SLCO4A1: variants seen among roughly 807,000 people sequenced by gnomAD.
SLCO4A1 encodes solute carrier organic anion transporter family member 4A1.
A neutral mutation model predicts 64.6 loss-of-function variants in SLCO4A1; 51 were observed. The ratio of observed to expected loss-of-function variants is 0.79; its 90% CI spans 0.63 to 1.00. The LOEUF is 1.00. Ranked by LOEUF, SLCO4A1 falls within the 50% of genes least tolerant of loss-of-function variation. SLCO4A1 has a pLI of 0.00. For synonymous variants in SLCO4A1, 471 were observed against 444.9 expected (o/e 1.06, Z -0.74); for missense variants, 919 against 980.5 (o/e 0.94, Z 0.84).
chr20:62,674,369 T>C (rs1266054762), downstream of SLCO4A1, among the ~76,000 whole-genome samples: 4 of 152,114 alleles, frequency 2.6e-5, no homozygotes, highest in South Asian at 8.3e-4. Context: ...GGGGAGCTCA[T>C]CCGGGAAGGC....
chr20:62,686,191 C>T (rs760158133), downstream of SLCO4A1, among the ~76,000 whole-genome samples: 11 of 152,290 alleles, frequency 7.2e-5, no homozygotes, highest in East Asian at 1.9e-4. Flanking sequence ...GTGTAGCTCC[C>T]GCCCCAGTGC....
At position 62,685,563 on chromosome 20, in the gene SLCO4A1, C is replaced by T. The variant is rs1362924195; in HGVS notation, n.334C>T. ...AGTCTCGGCTTTCTGACAACGTCTT[C>T]CAGAGCAGGCTTTCTCTAGAGGGTG... is the stretch of plus-strand genomic sequence containing the variant. On this transcript the variant is annotated non_coding_transcript_exon_variant, in exon 3 of 3. Coordinates refer to the SLCO4A1 transcript ENST00000466818. The surrounding 1 kb of genome is among the most constrained non-coding windows in gnomAD (Gnocchi z 4.6). 25 of 510,118 alleles carry T rather than the reference C, an allele frequency of 4.9e-5. No individual in the cohort carries two copies. Among genetic ancestry groups the T allele is most frequent in the Non-Finnish European group, 6.3e-5 (25 of 395,762 alleles). 31.6% of individuals were successfully genotyped at this position (510,118 alleles called of 1,614,324 possible).
chr20:62,667,366 G>A (rs893680921), intron 7 of SLCO4A1: 7 of 215,886 alleles, frequency 3.2e-5, no homozygotes, highest in East Asian at 1.0e-4. Flanking sequence ...CTGGAGAACC[G>A]AGGACTGGGG....
At chr20:62,652,986 G>A (rs1289560307) in intron 1 of SLCO4A1, among the ~76,000 whole-genome samples, 3 of 152,330 alleles carry the variant, frequency 2.0e-5, no homozygotes, top group South Asian at 2.1e-4. Flanking sequence ...TGCCACCGGC[G>A]GGCTGTGTGG....
At chr20:62,666,203 C>A (rs561771379) in intron 6 of SLCO4A1, among the ~76,000 whole-genome samples, 177 bp from the exon 7 acceptor site, 85 of 148,276 alleles carry the variant, frequency 5.7e-4, no homozygotes, top group Non-Finnish European at 5.1e-4. Context: ...CCTCCTAGGG[C>A]TCTATCAGCG....
In SLCO4A1 at chr20:62,661,288, C is replaced by T. The variant is rs1325397426; in HGVS notation, c.1121+113C>T. The T allele has an allele frequency of 1.3e-6, 1 of 745,636 alleles. No homozygotes were observed. The highest frequency in any genetic ancestry group is 2.6e-5 in the East Asian group (1 of 38,050). 46.2% of individuals were successfully genotyped at this position (745,636 alleles called of 1,614,324 possible). On this transcript the variant is annotated intron_variant, in intron 5 of 11. Coordinates refer to ENST00000217159, the MANE Select transcript of SLCO4A1 (RefSeq NM_016354.4). The surrounding 1 kb of genome is among the most constrained non-coding windows in gnomAD (Gnocchi z 5.2). ...TCATGATGGGGACGCAGCCCCTAAC[C>T]TCTGTCGTGACCCTGGGCCAAGAGA...
At position 62,660,927 on chromosome 20, in the gene SLCO4A1, C is replaced by T. The variant is rs6011475; in HGVS notation, c.1010-137C>T. ...TTCCAGTGCCGCCTCCCCGGGGCTG[C>T]GAGGGCTGCAGGGATGTCAGACAGT... On this transcript the variant is annotated intron_variant, in intron 4 of 11. Transcript: ENST00000217159. The T allele has an allele frequency of 4.1e-3, 2,644 of 642,640 alleles. 43 individuals are homozygous for T. The highest frequency in any genetic ancestry group is 0.041 in the African/African-American group (2,222 of 54,808). 39.8% of individuals were successfully genotyped at this position (642,640 alleles called of 1,614,324 possible).
At chr20:62,643,017 C>T (rs1165629455) in intron 1 of SLCO4A1, 1 of 470,208 alleles carries the variant, frequency 2.1e-6, no homozygotes, top group Non-Finnish European at 4.4e-6. Flanking sequence ...CACCCACCTG[C>T]GGCGGCCGCT....
intron 1 of SLCO4A1, among the ~76,000 whole-genome samples, chr20:62,655,058 AG>A (rs1011117756): frequency 5.9e-5 from 9 of 152,332 alleles, no homozygotes; most frequent in Admixed American, 4.6e-4. Context: ...TAAAGGCCTG[AG>A]TTTCAAAAAC....
At chr20:62,668,305 G>A in intron 9 of SLCO4A1, 121 bp downstream of exon 9, 1 of 1,299,094 alleles carries the variant, frequency 7.7e-7, no homozygotes, top group Non-Finnish European at 1.1e-6. Context: ...GGGCCTGTCT[G>A]TCACTGGTGG....
chr20:62,682,938 C>A (rs534272709), intron 2 of SLCO4A1, among the ~76,000 whole-genome samples: 2 of 152,238 alleles, frequency 1.3e-5, no homozygotes, highest in Non-Finnish European at 2.9e-5. Context: ...CAGTCCAGGG[C>A]CACACAGTGG....
intron 2 of SLCO4A1, among the ~76,000 whole-genome samples, chr20:62,679,365 C>CT (rs11484310): frequency 0.4 from 59,518 of 147,456 alleles, 12,004 homozygotes; most frequent in African/African-American, 0.45. Context: ...CATCAAATTC[C>CT]TTTTTTTTTT....
intron 2 of SLCO4A1, among the ~76,000 whole-genome samples, chr20:62,677,434 A>G (rs1368119876): frequency 4.6e-5 from 7 of 152,170 alleles, no homozygotes; most frequent in African/African-American, 1.4e-4. Flanking sequence ...TGTCTGTTCC[A>G]TAACTGCAAC....
chr20:62,686,320 C>T (rs142166294), downstream of SLCO4A1, among the ~76,000 whole-genome samples: 243 of 152,332 alleles, frequency 1.6e-3, 2 homozygotes, highest in African/African-American at 5.6e-3. Flanking sequence ...CAGGCACTTC[C>T]CTGTTTACTG....
chr20:62,678,532 C>CTTTT (rs71195465), intron 2 of SLCO4A1, among the ~76,000 whole-genome samples: 1 of 138,704 alleles, frequency 7.2e-6, no homozygotes, highest in African/African-American at 2.7e-5. Flanking sequence ...CAGCGCTATT[C>CTTTT]TTTTTTTTTT....
intron 2 of SLCO4A1, among the ~76,000 whole-genome samples, chr20:62,677,713 C>T (rs1025164688): frequency 2.0e-5 from 3 of 152,240 alleles, no homozygotes; most frequent in South Asian, 2.1e-4. Flanking sequence ...GCCTGGCAGG[C>T]GATTGGGAGT....
Position 62,656,659 on chromosome 20 carries a change from G to T in SLCO4A1, c.205G>T (p.Ala69Ser). Residue 69 changes from alanine to serine, a missense_variant, in exon 2 of 12, where the codon GCC becomes TCC. Physicochemically the swap from Ala to Ser is moderately conservative, Grantham distance 99 (BLOSUM62 1). Coordinates refer to ENST00000217159, the MANE Select transcript of SLCO4A1 (RefSeq NM_016354.4). ...CCAGCTCTGGGCCGAGAAGCATGGC[G>T]CCCGGGGGACCCATGAGGTGCGGTA... ...LCQLWAEKHGARGTHEVRYVS... is the reference protein window; with the variant it reads ...LCQLWAEKHGSRGTHEVRYVS... The T allele has an allele frequency of 1.2e-6, 2 of 1,604,104 alleles. No homozygotes were observed. Among genetic ancestry groups the T allele is most frequent in the Non-Finnish European group, 1.7e-6 (2 of 1,175,972 alleles).
rs766561556 is a variant in SLCO4A1, at chr20:62,666,466, A to G, written c.1363A>G (p.Ile455Val). 11 of 1,613,374 alleles carry G rather than the reference A, an allele frequency of 6.8e-6. No individual in the cohort carries two copies. The highest frequency in any genetic ancestry group is 3.3e-5 in the Admixed American group (2 of 60,004). Residue 455 changes from isoleucine to valine, a missense_variant, in exon 7 of 12, where the codon ATC becomes GTC. By Grantham distance (29) the Ile-to-Val change is conservative (BLOSUM62 3). Coordinates refer to ENST00000217159, the MANE Select transcript of SLCO4A1 (RefSeq NM_016354.4). ...GCTCAGGCTCCGGGGCTCCGCGGTC[A>G]TCAAGTTCTGCCTGTTCTGCACCGT... ...NKLRLRGSAV[I>V]KFCLFCTVVS...
intron 1 of SLCO4A1, chr20:62,650,513 A>G (rs1455762214): frequency 1.3e-5 from 2 of 152,228 alleles, no homozygotes; most frequent in Non-Finnish European, 2.9e-5. Flanking sequence ...ACCAGACATC[A>G]TTACTCCAGT....
Sources: gnomAD v4.1 joint callset for allele counts (sites outside exome capture counted in the v4.1 genomes callset) on GRCh38, gnomAD v4.1.1 for gene constraint, Gnocchi (gnomAD v3.1) non-coding constraint, MANE v1.5 for transcripts, NCBI Gene and HGNC (gene_info 2026-07-23, HGNC 2026-07-21) for gene names.